Variants in KIAA1671 observed in about 807,000 individuals in gnomAD.
The protein encoded by KIAA1671 is KIAA1671, also known as uncharacterized protein KIAA1671.
KIAA1671 carries 52 observed loss-of-function variants against 131.2 expected under a neutral mutation model. That is an observed-to-expected ratio of 0.40 (90% CI 0.32 to 0.50). The LOEUF (loss-of-function observed/expected upper bound fraction) is 0.50, where lower values mean the gene tolerates loss of function less well. Among genes scored for constraint, KIAA1671 ranks in the 20% least tolerant of loss-of-function variants. The pLI is 0.73. For synonymous variants in KIAA1671, 1,003 were observed against 961.6 expected, an observed-to-expected ratio of 1.04 and a Z score of -0.80; for missense variants, 2,360 against 2,364.2, an observed-to-expected ratio of 1.00 and a Z score of 0.04.
chr22:25,025,365 G>A (rs1234164868), intron 1 of KIAA1671, among the ~76,000 whole-genome samples: 2 of 152,096 alleles, frequency 1.3e-5, no homozygotes, highest in Non-Finnish European at 2.9e-5. Context: ...TGCAGGGGAT[G>A]TTTCATGCTC....
chr22:25,085,803 G>GAGGA (rs1444094222), intron 6 of KIAA1671, among the ~76,000 whole-genome samples: 39 of 127,412 alleles, frequency 3.1e-4, no homozygotes, highest in Non-Finnish European at 3.7e-4. Context: ...GGGAGGGAGG[G>GAGGA]AGGGAGGAAG....
In KIAA1671 at chr22:25,174,509, C is replaced by T; in HGVS notation, c.4899+20C>T. ...ATTGATGTAAGTCAGTGGCCAGGAGCATTTCTTCTTAAATGGAAATTCCAG... is the reference window on the plus strand; with the variant it reads ...ATTGATGTAAGTCAGTGGCCAGGAGTATTTCTTCTTAAATGGAAATTCCAG... On this transcript the variant is annotated intron_variant, in intron 8 of 12. Transcript: ENST00000358431. 1 of 1,487,472 alleles carries T rather than the reference C, an allele frequency of 6.7e-7. No individual in the cohort carries two copies. The highest frequency in any genetic ancestry group is 1.4e-5 in the African/African-American group (1 of 70,888). 92.1% of individuals were successfully genotyped at this position (1,487,472 alleles called of 1,614,324 possible).
chr22:24,962,673 CT>C (rs1346809978), intron 1 of KIAA1671, among the ~76,000 whole-genome samples: 2 of 152,184 alleles, frequency 1.3e-5, no homozygotes, highest in African/African-American at 2.4e-5. Context: ...TGAGCCTTAG[CT>C]AGTATCGTTA....
chr22:25,107,810 C>G (rs1931099029), intron 6 of KIAA1671, among the ~76,000 whole-genome samples: 1 of 152,038 alleles, frequency 6.6e-6, no homozygotes, highest in African/African-American at 2.4e-5. Flanking sequence ...GAGTTCAAGA[C>G]CAGCCTGGGC....
At chr22:25,122,668 A>G (rs562642107) in intron 6 of KIAA1671, among the ~76,000 whole-genome samples, 1 of 152,284 alleles carries the variant, frequency 6.6e-6, no homozygotes, top group East Asian at 1.9e-4. Flanking sequence ...CTGTATCAGT[A>G]GGATCTCAGT....
chr22:25,114,878 G>A (rs1478720573), intron 6 of KIAA1671, among the ~76,000 whole-genome samples: 6 of 152,218 alleles, frequency 3.9e-5, no homozygotes, highest in Non-Finnish European at 7.3e-5. Flanking sequence ...GGGGCTGGGA[G>A]GGGGCAGGAT....
chr22:25,183,492 T>TTCCTTCCTTCCTTGTTCTC (rs1555885573), intron 10 of KIAA1671, among the ~76,000 whole-genome samples: 1 of 47,964 alleles, frequency 2.1e-5, no homozygotes, highest in Non-Finnish European at 4.9e-5. Flanking sequence ...CTCTTTCTCC[T>TTCCTTCCTTCCTTGTTCTC]TCCTTCCTTC....
chr22:25,104,081 C>T (rs917823939), intron 6 of KIAA1671, among the ~76,000 whole-genome samples: 2 of 152,032 alleles, frequency 1.3e-5, no homozygotes, highest in South Asian at 2.1e-4. Flanking sequence ...TGGGTTCAAG[C>T]GATTCTCCTG....
intron 1 of KIAA1671, among the ~76,000 whole-genome samples, chr22:24,979,337 TA>T (rs1216749469): frequency 1.4e-4 from 19 of 139,978 alleles, no homozygotes; most frequent in African/African-American, 4.4e-4. Context: ...TAATTTATTT[TA>T]TTTATTTATT....
intron 6 of KIAA1671, among the ~76,000 whole-genome samples, chr22:25,082,748 A>G (rs1929480416): frequency 6.6e-6 from 1 of 152,134 alleles, no homozygotes; most frequent in South Asian, 2.1e-4. Context: ...CAGGAGGATC[A>G]CTTGAACCCA....
chr22:24,980,345 T>C (rs1488823536), intron 1 of KIAA1671, among the ~76,000 whole-genome samples: 1 of 149,916 alleles, frequency 6.7e-6, no homozygotes, highest in Non-Finnish European at 1.5e-5. Context: ...AATCTTGGCT[T>C]ACTGCAACCT....
In KIAA1671 at chr22:25,195,876, C is replaced by G. The variant is rs41277327; in HGVS notation, c.*3475C>G. ...TGTGGTCTCTGAATGTGCCTTCCCC[C>G]TCACCGTGTGTTAAAACACAAAAGC... On this transcript the variant is annotated 3_prime_UTR_variant, in exon 13 of 13. Coordinates refer to ENST00000358431, the MANE Select transcript of KIAA1671 (RefSeq NM_001145206.2). 1 of 152,110 alleles carries G rather than the reference C, an allele frequency of 6.6e-6. No individual in the cohort carries two copies. Among genetic ancestry groups the G allele is most frequent in the Admixed American group, 6.5e-5 (1 of 15,276 alleles). The allele number at this position is 152,110 out of a possible 1,614,324, so 9.4% of individuals were successfully genotyped here.
At chr22:24,991,055 C>T (rs573270130) in intron 1 of KIAA1671, among the ~76,000 whole-genome samples, 66 of 152,194 alleles carry the variant, frequency 4.3e-4, no homozygotes, top group Admixed American at 1.8e-3. Context: ...AGTCTCACTC[C>T]GTTGTCCAGG....
intron 6 of KIAA1671, chr22:25,051,758 G>A (rs1196872781): frequency 6.6e-6 from 1 of 152,216 alleles, no homozygotes; most frequent in East Asian, 1.9e-4. Context: ...CTGCTCCTCT[G>A]GAAATTGGTC....
chr22:25,093,798 C>T lies in KIAA1671; in HGVS notation c.4530+44434C>T, dbSNP rs28532389. Among the ~76,000 whole-genome samples the T allele has an allele frequency of 9.9e-4, 139 of 140,552 alleles. 11 individuals carry two copies. Among genetic ancestry groups the T allele is most frequent in the African/African-American group, 3.7e-3 (133 of 36,378 alleles). 92.2% of individuals were successfully genotyped at this position (140,552 alleles called of 152,430 possible). A position where few individuals can be genotyped will look rare whatever the true frequency, so the allele number is the denominator to read the frequency against. ...TCTCTCTCTCTCTCTCTCTCTCTCTCTCTCTCTCTCTCTGTCTCTCTCTCT... is the reference window on the plus strand; with the variant it reads ...TCTCTCTCTCTCTCTCTCTCTCTCTTTCTCTCTCTCTCTGTCTCTCTCTCT... On this transcript the variant is annotated intron_variant, in intron 6 of 12. Transcript: ENST00000358431.
At chr22:25,073,823 C>T (rs570270120) in intron 6 of KIAA1671, among the ~76,000 whole-genome samples, 59 of 152,032 alleles carry the variant, frequency 3.9e-4, no homozygotes, top group African/African-American at 1.4e-3. Flanking sequence ...CCTCCCGAGT[C>T]GCTGAGACTA....
chr22:25,107,881 A>G (rs924350991), intron 6 of KIAA1671, among the ~76,000 whole-genome samples: 1 of 152,008 alleles, frequency 6.6e-6, no homozygotes, highest in Non-Finnish European at 1.5e-5. Context: ...GGTGGTGCAC[A>G]CCTGTAATCC....
At chr22:25,112,577 A>G (rs1404490344) in intron 6 of KIAA1671, 8 of 395,218 alleles carry the variant, frequency 2.0e-5, no homozygotes, top group South Asian at 1.4e-4. Context: ...CTTCCAGAAT[A>G]GTTGTCAGTC....
intron 6 of KIAA1671, among the ~76,000 whole-genome samples, chr22:25,163,924 T>C (rs569565537): frequency 6.6e-6 from 1 of 152,356 alleles, no homozygotes; most frequent in African/African-American, 2.4e-5. Flanking sequence ...CAAAAGTTAC[T>C]GAATTAAGGC....
Sources: allele counts gnomAD v4.1 joint callset (sites outside exome capture counted in the v4.1 genomes callset), GRCh38; gene constraint gnomAD v4.1.1; transcripts MANE v1.5; gene names NCBI Gene and HGNC (gene_info 2026-07-23, HGNC 2026-07-21).